Variants in RPF2 observed in about 807,000 individuals in gnomAD.
RPF2 encodes brix domain containing 1.
RPF2 carries 21 observed loss-of-function variants against 38.9 expected under a neutral mutation model. The ratio of observed to expected loss-of-function variants is 0.54; its 90% CI spans 0.38 to 0.78. RPF2 has a LOEUF of 0.78. Among genes scored for constraint, RPF2 ranks in the 30% least tolerant of loss-of-function variants. The pLI is 0.00. For missense variants in RPF2, 314 were observed against 358.1 expected (o/e 0.88, Z 0.99); for synonymous variants, 121 against 126.2 (o/e 0.96, Z 0.28).
At chr6:111,015,946 G>C in intron 8 of RPF2, 90 bp downstream of exon 8, 1 of 931,490 alleles carries the variant, frequency 1.1e-6, no homozygotes, top group Non-Finnish European at 1.7e-6. Context: ...CTTAGAATTG[G>C]TATCTGGCCA....
At chr6:110,987,002 T>G (rs937096426) in intron 2 of RPF2, among the ~76,000 whole-genome samples, 1 of 151,962 alleles carries the variant, frequency 6.6e-6, no homozygotes, top group Non-Finnish European at 1.5e-5. Context: ...AGTAGGTTAT[T>G]TGACTAATTA....
chr6:110,985,017 C>G lies in RPF2; in HGVS notation c.35C>G (p.Thr12Arg), dbSNP rs374601209. The stretch of plus-strand genomic sequence containing the variant: ...GCTTTTCTGAACAGAAAGCCCAAAA[C>G]GAAAAGAGCCAAGAGATTCCTTGAG... ...DTLDRVVKPK[T>R]KRAKRFLEKR... Residue 12 changes from threonine to arginine, a missense_variant, in exon 2 of 10, where the codon ACG (threonine) becomes AGG (arginine). Coordinates refer to ENST00000441448, the MANE Select transcript of RPF2 (RefSeq NM_032194.3). 1 of 1,608,264 alleles carries G rather than the reference C, an allele frequency of 6.2e-7. No homozygotes were observed. The highest frequency in any genetic ancestry group is 1.3e-5 in the African/African-American group (1 of 74,470).
At chr6:111,018,743 T>C (rs1466870246) in intron 8 of RPF2, among the ~76,000 whole-genome samples, 1 of 152,200 alleles carries the variant, frequency 6.6e-6, no homozygotes, top group Non-Finnish European at 1.5e-5. Flanking sequence ...TACCCAATGA[T>C]CATAAGATGT....
chr6:111,000,111 G>A (rs58912483), intron 6 of RPF2, among the ~76,000 whole-genome samples: 14,046 of 151,082 alleles, frequency 0.093, 743 homozygotes, highest in African/African-American at 0.13. Context: ...TTATTATTTT[G>A]TTTTATTTTT....
Position 111,021,569 on chromosome 6 carries a change from C to T in RPF2, c.597-2614C>T, listed in dbSNP as rs541011646. ...GACCTGGCTCTGAGCTGGGCTCAGC[C>T]ACGTGACATGGGCAGGTCACCACTT... On this transcript the variant is annotated intron_variant, in intron 8 of 9. Coordinates refer to ENST00000441448, the MANE Select transcript of RPF2 (RefSeq NM_032194.3). Among the ~76,000 whole-genome samples, 85 of 152,296 alleles carry T rather than the reference C, an allele frequency of 5.6e-4. 1 individual carries two copies. Among genetic ancestry groups the T allele is most frequent in the African/African-American group, 1.9e-3 (81 of 41,548 alleles).
At chr6:110,989,932 TTTTC>T (rs1771591062) in intron 3 of RPF2, among the ~76,000 whole-genome samples, 1 of 130,080 alleles carries the variant, frequency 7.7e-6, no homozygotes, top group South Asian at 2.5e-4. Flanking sequence ...CCAGTTTCTT[TTTTC>T]TTTCTTTTCT....
chr6:111,016,476 A>G (rs1772110704), intron 8 of RPF2, among the ~76,000 whole-genome samples: 1 of 152,094 alleles, frequency 6.6e-6, no homozygotes, highest in Admixed American at 6.5e-5. Flanking sequence ...ACATGCCTGT[A>G]GTTCCAGCTG....
intron 4 of RPF2, among the ~76,000 whole-genome samples, chr6:110,994,734 T>TACACACACACAC (rs71021820): frequency 0.015 from 1,999 of 134,088 alleles, 77 homozygotes; most frequent in African/African-American, 0.054. Flanking sequence ...TGAGTATATA[T>TACACACACACAC]ACACACACAC....
At chr6:110,994,214 G>A (rs1771668255) in intron 4 of RPF2, among the ~76,000 whole-genome samples, 1 of 151,438 alleles carries the variant, frequency 6.6e-6, no homozygotes, top group South Asian at 2.1e-4. Context: ...GGTGGAGGTT[G>A]CGGTGAGCCA....
intron 7 of RPF2, among the ~76,000 whole-genome samples, chr6:111,008,471 GCTGTTGTACT>G: frequency 6.6e-6 from 1 of 151,722 alleles, no homozygotes; most frequent in Non-Finnish European, 1.5e-5. Context: ...AGTTAAAGCA[GCTGTTGTACT>G]GTGTAGATGA....
At position 111,026,861 on chromosome 6, in the gene RPF2, C is replaced by G. The variant is rs1772337553; in HGVS notation, c.*1279C>G. On this transcript the variant is annotated 3_prime_UTR_variant, in exon 10 of 10. Transcript: ENST00000441448. Reference sequence around the variant, plus strand: ...GACATACGCAAATCATAATTTGTTACATGAAGTACCAGTGCTTTCTTTTTT... The same window carrying G: ...GACATACGCAAATCATAATTTGTTAGATGAAGTACCAGTGCTTTCTTTTTT... The G allele has an allele frequency of 6.6e-6, 1 of 152,202 alleles. No homozygotes were observed. Among genetic ancestry groups the G allele is most frequent in the Admixed American group, 6.5e-5 (1 of 15,280 alleles). 9.4% of individuals were successfully genotyped at this position (152,202 alleles called of 1,614,324 possible).
chr6:110,987,755 A>G (rs1207184643), intron 2 of RPF2, among the ~76,000 whole-genome samples: 1 of 152,124 alleles, frequency 6.6e-6, no homozygotes, highest in Middle Eastern at 3.2e-3. Context: ...TGATTATTAT[A>G]CCTTATTTTT....
At chr6:111,002,572 A>G (rs988157077) in intron 6 of RPF2, among the ~76,000 whole-genome samples, 9 of 152,096 alleles carry the variant, frequency 5.9e-5, no homozygotes, top group South Asian at 2.1e-4. Flanking sequence ...AGTTCAAGCG[A>G]TCCTCCCGCC....
intron 9 of RPF2, among the ~76,000 whole-genome samples, chr6:111,025,075 C>A (rs946952536): frequency 2.6e-5 from 4 of 152,210 alleles, no homozygotes; most frequent in Non-Finnish European, 4.4e-5. Context: ...TTAAGCTAAA[C>A]ACAGGCTATT....
chr6:111,005,630 A>G (rs1471329931), intron 6 of RPF2, among the ~76,000 whole-genome samples: 1 of 151,908 alleles, frequency 6.6e-6, no homozygotes, highest in Non-Finnish European at 1.5e-5. Flanking sequence ...CCTTCATTTT[A>G]TTTTTATTTA....
At chr6:111,001,795 C>T (rs1771815711) in intron 6 of RPF2, among the ~76,000 whole-genome samples, 1 of 152,170 alleles carries the variant, frequency 6.6e-6, no homozygotes, top group Admixed American at 6.6e-5. Context: ...CTTCCAGTCC[C>T]TCTACTCTTT....
intron 3 of RPF2, 64 bp from the exon 4 acceptor site, chr6:110,991,683 T>G (rs1771622470): frequency 7.3e-6 from 4 of 544,320 alleles, no homozygotes; most frequent in African/African-American, 4.0e-5. Flanking sequence ...TAAAATTACC[T>G]TAATATATTA....
intron 8 of RPF2, among the ~76,000 whole-genome samples, chr6:111,017,929 C>T (rs938538129): frequency 6.6e-6 from 1 of 152,084 alleles, no homozygotes; most frequent in African/African-American, 2.4e-5. Flanking sequence ...CAACATTGAG[C>T]ACTGAGTGAA....
chr6:111,026,881 T>A lies in RPF2; in HGVS notation c.*1299T>A, dbSNP rs9400457. 3 of 152,040 alleles carry A rather than the reference T, an allele frequency of 2.0e-5. No individual in the cohort carries two copies. In the East Asian group the frequency reaches 5.8e-4, roughly 29 times the overall value. The allele number at this position is 152,040 out of a possible 1,614,324, so 9.4% of individuals were successfully genotyped here. The stretch of plus-strand genomic sequence containing the variant: ...TGTTACATGAAGTACCAGTGCTTTC[T>A]TTTTTGTTGTTTTTTGAGACAGAGT... On this transcript the variant is annotated 3_prime_UTR_variant, in exon 10 of 10. Transcript: ENST00000441448.
Sources: allele counts gnomAD v4.1 joint callset (sites outside exome capture counted in the v4.1 genomes callset), GRCh38; gene constraint gnomAD v4.1.1; transcripts MANE v1.5; gene names NCBI Gene and HGNC (gene_info 2026-07-23, HGNC 2026-07-21).